AGFG1: variants seen among roughly 807,000 people sequenced by gnomAD.
The protein encoded by AGFG1 is arf-GAP domain and FG repeat-containing protein 1.
AGFG1 carries 10 observed loss-of-function variants against 60.6 expected under a neutral mutation model. That is an observed-to-expected ratio of 0.16 (90% confidence interval 0.10 to 0.28). AGFG1 has a LOEUF of 0.28. Ranked by LOEUF, AGFG1 falls within the 10% of genes least tolerant of loss-of-function variation. The probability of loss-of-function intolerance (pLI) is 1.00; values close to 1 mark genes in which losing one functional copy is unlikely to be tolerated. For synonymous variants in AGFG1, 247 were observed against 242.9 expected (o/e 1.02, Z -0.16); for missense variants, 537 against 676.5 (o/e 0.79, Z 2.29).
intron 2 of AGFG1, among the ~76,000 whole-genome samples, chr2:227,515,297 T>A (rs1353549402): frequency 1.3e-5 from 2 of 152,152 alleles, no homozygotes; most frequent in African/African-American, 4.8e-5. Context: ...CACGTAGATA[T>A]CTGCATGGCC....
Position 227,556,374 on chromosome 2 carries a change from T to A in AGFG1, c.*1879T>A, listed in dbSNP as rs746002237. On this transcript the variant is annotated 3_prime_UTR_variant, in exon 13 of 13. Coordinates refer to ENST00000310078, the MANE Select transcript of AGFG1 (RefSeq NM_004504.5). ...ATCTAAACCGTTTTAATAAGCAAGA[T>A]GACTGGGAAATCTCTGCCCCTTTTC... 9.2e-5 allele frequency: 14 copies of A among 152,674 alleles called. No individual in the cohort carries two copies. Among genetic ancestry groups the A allele is most frequent in the Non-Finnish European group, 4.4e-5 (3 of 68,048 alleles). The allele number at this position is 152,674 out of a possible 1,614,324, so 9.5% of individuals were successfully genotyped here.
At chr2:227,521,234 T>G (rs1205353038) in intron 3 of AGFG1, among the ~76,000 whole-genome samples, 2 of 151,996 alleles carry the variant, frequency 1.3e-5, no homozygotes, top group Non-Finnish European at 2.9e-5. Context: ...CCTGGCTAAT[T>G]TTTTGCATTT....
chr2:227,553,881 T>A (rs1267109158), intron 12 of AGFG1, 86 bp downstream of exon 12: 2 of 988,212 alleles, frequency 2.0e-6, no homozygotes, highest in Non-Finnish European at 3.1e-6. Flanking sequence ...TATTCCTAGA[T>A]GGTATTTGGT....
chr2:227,539,449 A>AAAAAAAC (rs1055394269), intron 10 of AGFG1, among the ~76,000 whole-genome samples: 2 of 142,678 alleles, frequency 1.4e-5, no homozygotes, highest in African/African-American at 5.2e-5. Flanking sequence ...TCTCAAAAAA[A>AAAAAAAC]ACAAAAAACA....
chr2:227,540,058 A>G (rs1692440662), intron 10 of AGFG1, among the ~76,000 whole-genome samples: 1 of 151,632 alleles, frequency 6.6e-6, no homozygotes, highest in Non-Finnish European at 1.5e-5. Context: ...CTGGTCTTGA[A>G]CTCCTGGCCT....
Position 227,519,988 on chromosome 2 carries a change from C to G in AGFG1, c.302C>G (p.Ser101Cys). 6.3e-7 allele frequency: 1 copy of G among 1,585,566 alleles called. No individual in the cohort carries two copies. The highest frequency in any genetic ancestry group is 8.5e-7 in the Non-Finnish European group (1 of 1,171,262). The change falls in exon 3 of 13, where the codon TCT becomes TGT. Residue 101 changes from serine (S) to cysteine (C), a missense_variant. Physicochemically the swap from Ser to Cys is moderately radical, Grantham distance 112. Coordinates refer to ENST00000310078, the MANE Select transcript of AGFG1 (RefSeq NM_004504.5). ...TGGCTAGGATTATTTGATGATAGAT[C>G]TTCAGCAATTCCAGACTTCAGGGAT... The part of the protein sequence containing the change: ...QIWLGLFDDR[S>C]SAIPDFRDPQ...
At chr2:227,478,164 G>T (rs967351400) in intron 1 of AGFG1, among the ~76,000 whole-genome samples, 3 of 150,072 alleles carry the variant, frequency 2.0e-5, no homozygotes, top group Non-Finnish European at 4.4e-5. Flanking sequence ...ATTCTAATTA[G>T]AACCCCTCAT....
At chr2:227,481,610 A>G (rs1319898072) in intron 1 of AGFG1, among the ~76,000 whole-genome samples, 1 of 152,082 alleles carries the variant, frequency 6.6e-6, no homozygotes, top group Non-Finnish European at 1.5e-5. Context: ...AAATTTTGTT[A>G]TTCAAGAACT....
chr2:227,514,543 T>C (rs1490715854), intron 2 of AGFG1, among the ~76,000 whole-genome samples: 2 of 152,174 alleles, frequency 1.3e-5, no homozygotes, highest in African/African-American at 2.4e-5. Context: ...ACAAAACATA[T>C]ATTAATTTAC....
intron 2 of AGFG1, among the ~76,000 whole-genome samples, chr2:227,497,323 G>C (rs1691004342): frequency 1.3e-5 from 2 of 152,076 alleles, no homozygotes; most frequent in African/African-American, 4.8e-5. Context: ...TTTATGACCT[G>C]ACTTCTTAAT....
intron 2 of AGFG1, among the ~76,000 whole-genome samples, chr2:227,513,639 G>A (rs1253881847): frequency 1.3e-5 from 2 of 152,212 alleles, no homozygotes; most frequent in East Asian, 1.9e-4. Context: ...CCTATGCTTC[G>A]TAACAGTCTC....
At chr2:227,526,125 C>T (rs896905446) in intron 5 of AGFG1, among the ~76,000 whole-genome samples, 2 of 152,164 alleles carry the variant, frequency 1.3e-5, no homozygotes, top group South Asian at 2.1e-4. Context: ...TCATTATTAT[C>T]CTTAGTAGTA....
chr2:227,534,343 G>A (rs1474648553), intron 7 of AGFG1, among the ~76,000 whole-genome samples: 1 of 152,096 alleles, frequency 6.6e-6, no homozygotes, highest in Non-Finnish European at 1.5e-5. Flanking sequence ...TTAAACTCAT[G>A]GAGTTGTGTT....
intron 2 of AGFG1, among the ~76,000 whole-genome samples, chr2:227,493,382 A>T (rs1272747694): frequency 2.0e-5 from 3 of 152,140 alleles, no homozygotes; most frequent in Non-Finnish European, 4.4e-5. Flanking sequence ...ACTATTTTAG[A>T]TACCTCATAT....
At chr2:227,523,373 T>C (rs2106208503) in intron 3 of AGFG1, among the ~76,000 whole-genome samples, 1 of 152,326 alleles carries the variant, frequency 6.6e-6, no homozygotes, top group Non-Finnish European at 1.5e-5. Context: ...TCCTACCTCA[T>C]CTTTCTTCAA....
chr2:227,472,944 G>T (rs1690150640), intron 1 of AGFG1, among the ~76,000 whole-genome samples: 1 of 151,626 alleles, frequency 6.6e-6, no homozygotes, highest in Non-Finnish European at 1.5e-5. Flanking sequence ...CAGCTACCCG[G>T]GGCGCCGGGC....
At chr2:227,493,898 A>T (rs1487528724) in intron 2 of AGFG1, among the ~76,000 whole-genome samples, 8 of 152,250 alleles carry the variant, frequency 5.3e-5, no homozygotes, top group African/African-American at 1.7e-4. Flanking sequence ...GGAAGACCCG[A>T]CAGAACAGAT....
intron 2 of AGFG1, chr2:227,508,335 G>T: frequency 4.6e-6 from 1 of 216,308 alleles, no homozygotes; most frequent in South Asian, 7.1e-5. Flanking sequence ...TGGTATTGAT[G>T]ATATCCTTAA....
intron 6 of AGFG1, among the ~76,000 whole-genome samples, chr2:227,531,479 A>T (rs921908355): frequency 6.7e-6 from 1 of 149,886 alleles, no homozygotes; most frequent in African/African-American, 2.5e-5. Context: ...CCATGCACAC[A>T]GGACAGAGGC....
Sources: gnomAD v4.1 joint callset for allele counts (sites outside exome capture counted in the v4.1 genomes callset) on GRCh38, gnomAD v4.1.1 for gene constraint, MANE v1.5 for transcripts, NCBI Gene and HGNC (gene_info 2026-07-23, HGNC 2026-07-21) for gene names.